ANO4: variants seen among roughly 807,000 people sequenced by gnomAD.
The protein encoded by ANO4 is anoctamin 4, also known as anoctamin-4.
Under a neutral mutation model 141.9 loss-of-function variants are expected in ANO4, and 69 were observed. The ratio of observed to expected loss-of-function variants is 0.49; its 90% CI spans 0.40 to 0.59. ANO4 has a LOEUF of 0.59. ANO4 is among the 20% of genes least tolerant of loss of function. The pLI is 0.00. For synonymous variants in ANO4, 350 were observed against 394.3 expected, an observed-to-expected ratio of 0.89 and a Z score of 1.33; for missense variants, 894 against 1,162.2, an observed-to-expected ratio of 0.77 and a Z score of 3.36.
rs566307955 is a variant in ANO4, at chr12:101,120,631, T to C, written c.2676+6T>C. The C allele has an allele frequency of 6.2e-7, 1 of 1,608,512 alleles. No individual in the cohort carries two copies. Among genetic ancestry groups the C allele is most frequent in the South Asian group, 1.1e-5 (1 of 90,958 alleles). On this transcript the variant is annotated splice_donor_region_variant and intron_variant, in intron 26 of 27. Coordinates refer to ENST00000392977, the MANE Select transcript of ANO4 (RefSeq NM_001286615.2). ...CTTTTATCATTGTCTTTGAGGTAAG[T>C]TTCCTCAGCCAAATTCTTTATTTCC... is the stretch of plus-strand genomic sequence containing the variant.
intron 1 of ANO4, among the ~76,000 whole-genome samples, chr12:100,842,836 C>G (rs2037351312): frequency 6.6e-6 from 1 of 152,114 alleles, no homozygotes; most frequent in Non-Finnish European, 1.5e-5. Flanking sequence ...CATGGCTTAA[C>G]CACCTCCTAA....
chr12:100,946,488 G>T lies in ANO4; in HGVS notation c.456+3953G>T, dbSNP rs565592028. 5.9e-5 allele frequency among the ~76,000 whole-genome samples: 9 copies of T among 152,218 alleles called. No homozygotes were observed. The South Asian group carries it at 1.7e-3, about 28-fold the overall frequency. ...GAGAAGAGTAGAAAGTAGCACTGAT[G>T]GGAATTGCAGACAGATTGAATGGGC... On this transcript the variant is annotated intron_variant, in intron 5 of 27. Transcript: ENST00000392977.
intron 5 of ANO4, among the ~76,000 whole-genome samples, chr12:100,968,278 T>G (rs926669467): frequency 2.0e-5 from 3 of 152,158 alleles, no homozygotes; most frequent in African/African-American, 7.2e-5. Context: ...TTTATATTGT[T>G]CTCTGAGTGG....
intron 1 of ANO4, among the ~76,000 whole-genome samples, chr12:100,809,670 C>A (rs1330193564): frequency 1.3e-5 from 2 of 152,174 alleles, no homozygotes; most frequent in Non-Finnish European, 2.9e-5. Flanking sequence ...CAGTAGGCAG[C>A]TGCCAGATCT....
chr12:100,792,921 C>A (rs184688031), upstream of ANO4, among the ~76,000 whole-genome samples: 1 of 152,152 alleles, frequency 6.6e-6, no homozygotes, highest in Non-Finnish European at 1.5e-5. Context: ...TATATTAATT[C>A]GATTTCAGAA....
intron 1 of ANO4, among the ~76,000 whole-genome samples, chr12:100,847,842 G>A (rs1441099185): frequency 1.3e-5 from 2 of 152,200 alleles, no homozygotes; most frequent in Non-Finnish European, 2.9e-5. Flanking sequence ...AGTTGTGAAT[G>A]TGAAGCTCTC....
chr12:100,922,387 G>A, intron 3 of ANO4, 57 bp downstream of exon 3: 3 of 1,234,714 alleles, frequency 2.4e-6, no homozygotes, highest in Non-Finnish European at 3.3e-6. Flanking sequence ...TATAATACTT[G>A]GGAGGGGTAA....
chr12:100,907,990 A>G (rs1216025997), intron 2 of ANO4, among the ~76,000 whole-genome samples: 1 of 152,236 alleles, frequency 6.6e-6, no homozygotes, highest in Non-Finnish European at 1.5e-5. Context: ...AGATATTCCT[A>G]ATGGTGTTTT....
intron 14 of ANO4, among the ~76,000 whole-genome samples, chr12:101,057,774 A>G (rs1029678559): frequency 6.6e-6 from 1 of 152,158 alleles, no homozygotes; most frequent in African/African-American, 2.4e-5. Context: ...TCTTTGTCAG[A>G]TGGATAGATT....
intron 1 of ANO4, among the ~76,000 whole-genome samples, chr12:100,799,865 T>C (rs1307272341): frequency 6.6e-6 from 1 of 152,190 alleles, no homozygotes. Flanking sequence ...ATGACTTTAG[T>C]GTAAGGTGCA....
At chr12:100,801,652 G>A (rs12300255) in intron 1 of ANO4, among the ~76,000 whole-genome samples, 105 of 147,648 alleles carry the variant, frequency 7.1e-4, no homozygotes, top group African/African-American at 2.4e-3. Flanking sequence ...GCAGGGGGTA[G>A]AAAGGGCATT....
At chr12:100,846,762 CT>C (rs1445756684) in intron 1 of ANO4, among the ~76,000 whole-genome samples, 1 of 152,162 alleles carries the variant, frequency 6.6e-6, no homozygotes, top group East Asian at 1.9e-4. Context: ...TATATACTGT[CT>C]ATGTTTTCCT....
At chr12:100,848,845 T>G (rs1565933243) in intron 1 of ANO4, among the ~76,000 whole-genome samples, 1 of 152,234 alleles carries the variant, frequency 6.6e-6, no homozygotes, top group Admixed American at 6.5e-5. Flanking sequence ...AGAGCTGGGC[T>G]TGTCTGGGCT....
intron 5 of ANO4, among the ~76,000 whole-genome samples, chr12:100,950,822 C>G (rs932866675): frequency 6.6e-6 from 1 of 152,178 alleles, no homozygotes; most frequent in African/African-American, 2.4e-5. Flanking sequence ...TACATTACCA[C>G]TGGTATTGAA....
At chr12:100,977,690 C>T (rs1437983605) in intron 7 of ANO4, among the ~76,000 whole-genome samples, 2 of 152,162 alleles carry the variant, frequency 1.3e-5, no homozygotes, top group Non-Finnish European at 2.9e-5. Flanking sequence ...CTTGCCTAAA[C>T]ATCAGTTTAT....
At chr12:101,032,839 G>T (rs2047031317) in intron 9 of ANO4, among the ~76,000 whole-genome samples, 2 of 151,468 alleles carry the variant, frequency 1.3e-5, no homozygotes, top group Non-Finnish European at 2.9e-5. Flanking sequence ...AGAGGATGTG[G>T]AGAAATAGGA....
At chr12:100,872,871 A>C (rs921530357) in intron 1 of ANO4, among the ~76,000 whole-genome samples, 10 of 152,210 alleles carry the variant, frequency 6.6e-5, no homozygotes, top group Non-Finnish European at 2.9e-5. Context: ...TCTCATGTAG[A>C]ATTGTAATCC....
At chr12:101,080,903 A>G (rs1345429994) in intron 15 of ANO4, among the ~76,000 whole-genome samples, 1 of 118,422 alleles carries the variant, frequency 8.4e-6, no homozygotes, top group South Asian at 2.9e-4. Flanking sequence ...ATATATATAC[A>G]TACACATATA....
chr12:100,984,923 T>C (rs2136323226), intron 7 of ANO4, among the ~76,000 whole-genome samples: 1 of 152,374 alleles, frequency 6.6e-6, no homozygotes, highest in Non-Finnish European at 1.5e-5. Flanking sequence ...ATTTTTTTTT[T>C]TTACAGCTTT....
Sources: allele counts gnomAD v4.1 joint callset (sites outside exome capture counted in the v4.1 genomes callset), GRCh38; gene constraint gnomAD v4.1.1; transcripts MANE v1.5; gene names NCBI Gene and HGNC (gene_info 2026-07-23, HGNC 2026-07-21).